SLX4IP: variants seen among roughly 807,000 people sequenced by gnomAD.
The protein encoded by SLX4IP is protein SLX4IP.
A neutral mutation model predicts 32.9 loss-of-function variants in SLX4IP; 34 were observed. The observed-to-expected ratio is 1.03, with a 90% CI of 0.79 to 1.38. The LOEUF is 1.38. Ranked by LOEUF, SLX4IP falls within the 40% of genes most tolerant of loss-of-function variation. The pLI, the probability that SLX4IP is intolerant of heterozygous loss-of-function variation, is 0.00. For missense variants in SLX4IP, 444 were observed against 479.0 expected (o/e 0.93, Z 0.68); for synonymous variants, 172 against 171.7 (o/e 1.00, Z -0.01).
chr20:10,469,660 C>G (rs1417022175), intron 2 of SLX4IP, among the ~76,000 whole-genome samples: 2 of 152,126 alleles, frequency 1.3e-5, no homozygotes, highest in Admixed American at 1.3e-4. Context: ...AATAGATGAA[C>G]TCAGTAAGCA....
chr20:10,459,635 A>C (rs111791682), intron 2 of SLX4IP, among the ~76,000 whole-genome samples: 2,957 of 152,358 alleles, frequency 0.019, 67 homozygotes, highest in South Asian at 0.069. Context: ...GGTTGAAGCA[A>C]AAGAAGTAAT....
rs1172870318 is a variant in SLX4IP at position 10,615,893 on chromosome 20, TA to T, written c.406-5420del. Among the ~76,000 whole-genome samples, 4 of 152,168 alleles carry T rather than the reference TA, an allele frequency of 2.6e-5. No individual in the cohort carries two copies. In the South Asian group the frequency reaches 8.3e-4, roughly 32 times the overall value. ...TCCAACTCCTTCCTTCAGGCCCTTT[TA>T]TAAAAACACCTAATCCCATTCATGA... On this transcript the variant is annotated intron_variant, in intron 6 of 7. Coordinates refer to ENST00000334534, the MANE Select transcript of SLX4IP (RefSeq NM_001009608.3).
rs112833084 is a variant in SLX4IP at position 10,621,393 on chromosome 20, G to A, written c.485G>A (p.Arg162Gln). ...ESSLPPSAKLRRNALKEIVKR... is the reference protein window; with the variant it reads ...ESSLPPSAKLQRNALKEIVKR... Reference sequence around the variant, plus strand: ...TCACTTCCTCCCAGTGCAAAGCTCCGGAGAAATGCTCTGAAAGAAATGTAG... The same window carrying A: ...TCACTTCCTCCCAGTGCAAAGCTCCAGAGAAATGCTCTGAAAGAAATGTAG... The change falls in exon 7 of 8, where the codon CGG becomes CAG. Residue 162 changes from arginine to glutamine, a missense_variant. By Grantham distance (43) the Arg-to-Gln change is conservative. Transcript: ENST00000334534. 28 of 1,613,992 alleles carry A rather than the reference G, an allele frequency of 1.7e-5. No homozygotes were observed. Among genetic ancestry groups the A allele is most frequent in the East Asian group, 2.2e-5 (1 of 44,888 alleles).
At chr20:10,467,096 CACTAGGCTTTTGTCT>C (rs1352321891) in intron 2 of SLX4IP, among the ~76,000 whole-genome samples, 1 of 152,138 alleles carries the variant, frequency 6.6e-6, no homozygotes, top group Non-Finnish European at 1.5e-5. Flanking sequence ...AATGGGTAAT[CACTAGGCTTTTGTCT>C]TGCTAGTTTG....
chr20:10,579,061 G>C (rs530421909), intron 4 of SLX4IP, among the ~76,000 whole-genome samples: 1 of 152,032 alleles, frequency 6.6e-6, no homozygotes, highest in African/African-American at 2.4e-5. Flanking sequence ...ATACCCAAAA[G>C]TTTTTAATTT....
chr20:10,608,418 C>A (rs2066928414), intron 6 of SLX4IP, among the ~76,000 whole-genome samples: 1 of 152,062 alleles, frequency 6.6e-6, no homozygotes, highest in Non-Finnish European at 1.5e-5. Context: ...GTAATCCCAG[C>A]ACTTTGGGAG....
At chr20:10,542,498 G>T (rs892285728) in intron 2 of SLX4IP, among the ~76,000 whole-genome samples, 1 of 152,120 alleles carries the variant, frequency 6.6e-6, no homozygotes, top group Non-Finnish European at 1.5e-5. Context: ...ATGATTTTAA[G>T]TGTTGCTGTT....
chr20:10,504,058 C>G (rs1306592891), intron 2 of SLX4IP, among the ~76,000 whole-genome samples: 1 of 152,160 alleles, frequency 6.6e-6, no homozygotes, highest in African/African-American at 2.4e-5. Context: ...CAATTAAACC[C>G]ACAATGCTCT....
rs748975895 is a variant in SLX4IP at position 10,622,821 on chromosome 20, G to A, written c.669G>A (p.Lys223=). The change falls in exon 8 of 8, where the codon AAG becomes AAA. Residue 223 remains lysine, a synonymous_variant. Transcript: ENST00000334534. The part of the protein sequence containing the change: ...SPPSESMGQA[K]DSIKAAESHW... Reference sequence around the variant, plus strand: ...CATCAGAATCCATGGGACAAGCAAAGGATTCCATAAAGGCAGCTGAGAGCC... The same window carrying A: ...CATCAGAATCCATGGGACAAGCAAAAGATTCCATAAAGGCAGCTGAGAGCC... 2 of 1,614,124 alleles carry A rather than the reference G, an allele frequency of 1.2e-6. No individual in the cohort carries two copies. The highest frequency in any genetic ancestry group is 2.2e-5 in the East Asian group (1 of 44,870).
chr20:10,470,009 A>G (rs1600902831), intron 2 of SLX4IP, among the ~76,000 whole-genome samples: 1 of 152,198 alleles, frequency 6.6e-6, no homozygotes, highest in East Asian at 1.9e-4. Flanking sequence ...GAGTGACACA[A>G]GACTGCCTCT....
At chr20:10,468,310 T>C (rs2065397525) in intron 2 of SLX4IP, among the ~76,000 whole-genome samples, 1 of 152,240 alleles carries the variant, frequency 6.6e-6, no homozygotes, top group Non-Finnish European at 1.5e-5. Context: ...TGAGGACCTC[T>C]GTGCCTCTCT....
intron 6 of SLX4IP, among the ~76,000 whole-genome samples, chr20:10,607,404 G>A (rs1203791820): frequency 6.6e-6 from 1 of 152,222 alleles, no homozygotes; most frequent in Non-Finnish European, 1.5e-5. Flanking sequence ...AGAAAGATTA[G>A]TGGGACATAC....
At chr20:10,508,770 C>T (rs2065780855) in intron 2 of SLX4IP, among the ~76,000 whole-genome samples, 1 of 152,162 alleles carries the variant, frequency 6.6e-6, no homozygotes, top group South Asian at 2.1e-4. Flanking sequence ...GCTTCAGTTG[C>T]ATTTCTCACT....
intron 4 of SLX4IP, among the ~76,000 whole-genome samples, chr20:10,572,129 C>T (rs1027231853): frequency 6.6e-6 from 1 of 152,126 alleles, no homozygotes; most frequent in Non-Finnish European, 1.5e-5. Context: ...GGCTTCTTAG[C>T]CCTTCTTTTA....
At chr20:10,452,680 A>ATATATATATATATATATATATATAT (rs1555805196) in intron 1 of SLX4IP, among the ~76,000 whole-genome samples, 2 of 109,516 alleles carry the variant, frequency 1.8e-5, no homozygotes, top group African/African-American at 7.0e-5. Flanking sequence ...AAAAAAAAAA[A>ATATATATATATATATATATATATAT]ATATATATAT....
At chr20:10,619,537 A>C (rs1266575425) in intron 6 of SLX4IP, among the ~76,000 whole-genome samples, 2 of 152,164 alleles carry the variant, frequency 1.3e-5, no homozygotes, top group Admixed American at 6.5e-5. Flanking sequence ...TGCAGTATTC[A>C]TTGTTGTTAT....
chr20:10,575,096 A>G (rs966579437), intron 4 of SLX4IP, among the ~76,000 whole-genome samples: 3 of 152,176 alleles, frequency 2.0e-5, no homozygotes, highest in Non-Finnish European at 4.4e-5. Flanking sequence ...GGTCAGGTAG[A>G]ACTGGTTGGC....
intron 6 of SLX4IP, among the ~76,000 whole-genome samples, chr20:10,619,357 G>T (rs1417226738): frequency 1.3e-5 from 2 of 151,550 alleles, no homozygotes; most frequent in Non-Finnish European, 2.9e-5. Flanking sequence ...GAGGAATTTG[G>T]GATGAGAGCC....
intron 2 of SLX4IP, among the ~76,000 whole-genome samples, chr20:10,501,249 A>G (rs2065715588): frequency 6.6e-6 from 1 of 152,206 alleles, no homozygotes; most frequent in African/African-American, 2.4e-5. Context: ...ACATTATATA[A>G]TAATGTATGT....
Sources: allele counts gnomAD v4.1 joint callset (sites outside exome capture counted in the v4.1 genomes callset), GRCh38; gene constraint gnomAD v4.1.1; transcripts MANE v1.5; gene names NCBI Gene and HGNC (gene_info 2026-07-23, HGNC 2026-07-21).